EBF2: variants seen among roughly 807,000 people sequenced by gnomAD.
The protein encoded by EBF2 is transcription factor COE2.
A neutral mutation model predicts 72.8 loss-of-function variants in EBF2; 21 were observed. The ratio of observed to expected loss-of-function variants is 0.29; its 90% CI spans 0.20 to 0.42. The LOEUF is 0.42. Ranked by LOEUF, EBF2 falls within the 10% of genes least tolerant of loss-of-function variation. The pLI is 1.00. For missense variants in EBF2, 637 were observed against 731.2 expected (o/e 0.87, Z 1.49); for synonymous variants, 299 against 274.2 (o/e 1.09, Z -0.89).
In EBF2 at chr8:26,026,545, T is replaced by C. The variant is rs551140544; in HGVS notation, c.551+6540A>G. Among the ~76,000 whole-genome samples the C allele has an allele frequency of 2.2e-3, 339 of 152,326 alleles. 1 individual carries two copies. Among genetic ancestry groups the C allele is most frequent in the Non-Finnish European group, 4.1e-3 (279 of 68,022 alleles). ...TTCTGGTCCTAATCCGAGGCCCTTT[T>C]GCTGCACTGCACTATCCACTCCTCA... is the stretch of plus-strand genomic sequence containing the variant. On this transcript the variant is annotated intron_variant, in intron 6 of 15. Transcript: ENST00000520164.
intron 6 of EBF2, among the ~76,000 whole-genome samples, chr8:25,981,841 A>G (rs1804366648): frequency 6.6e-6 from 1 of 152,106 alleles, no homozygotes; most frequent in African/African-American, 2.4e-5. Flanking sequence ...GCAAAACAGT[A>G]TATGGAATAG....
intron 10 of EBF2, among the ~76,000 whole-genome samples, chr8:25,873,117 C>T (rs1051131788): frequency 6.6e-5 from 10 of 152,152 alleles, no homozygotes; most frequent in Non-Finnish European, 1.2e-4. Flanking sequence ...GCAAAGGCTA[C>T]GTTAAATTCA....
chr8:25,962,498 G>A (rs969657413), intron 6 of EBF2, among the ~76,000 whole-genome samples: 2 of 151,104 alleles, frequency 1.3e-5, no homozygotes, highest in African/African-American at 2.4e-5. Flanking sequence ...CCCCTATTAC[G>A]GGTAACACCA....
At chr8:26,037,056 G>A (rs913899551) in intron 5 of EBF2, among the ~76,000 whole-genome samples, 5 of 151,994 alleles carry the variant, frequency 3.3e-5, no homozygotes, top group African/African-American at 1.2e-4. Context: ...TCTCTGGCTT[G>A]GTTTGGTTTA....
chr8:25,849,334 G>C (rs1411994409), intron 15 of EBF2, among the ~76,000 whole-genome samples: 1 of 152,108 alleles, frequency 6.6e-6, no homozygotes, highest in Non-Finnish European at 1.5e-5. Flanking sequence ...GTACCTCCCA[G>C]AGCTCTGCTC....
chr8:25,970,135 C>T (rs1054320330), intron 6 of EBF2, among the ~76,000 whole-genome samples: 11 of 152,268 alleles, frequency 7.2e-5, no homozygotes, highest in Non-Finnish European at 1.3e-4. Flanking sequence ...GAAAGAGAAG[C>T]ATCCTTCTGA....
chr8:26,022,010 A>C (rs545503384), intron 6 of EBF2, among the ~76,000 whole-genome samples: 55 of 152,344 alleles, frequency 3.6e-4, no homozygotes, highest in African/African-American at 1.3e-3. Context: ...GATTATAGTA[A>C]AGTGAAATGC....
Position 25,895,504 on chromosome 8 carries a change from A to G in EBF2, c.634-5635T>C, listed in dbSNP as rs529839306. ...TACAGAAATAGAAACATGAATAAAA[A>G]GTCTGTATCTTCCCATGAAAAATAC... On this transcript the variant is annotated intron_variant, in intron 7 of 15. Transcript: ENST00000520164. Among the ~76,000 whole-genome samples, 6 of 152,364 alleles carry G rather than the reference A, an allele frequency of 3.9e-5. No individual in the cohort carries two copies. The East Asian group carries it at 1.2e-3, about 29-fold the overall frequency.
intron 6 of EBF2, among the ~76,000 whole-genome samples, chr8:25,997,139 G>A (rs1041126557): frequency 1.3e-5 from 2 of 152,150 alleles, no homozygotes; most frequent in African/African-American, 4.8e-5. Flanking sequence ...GTGTGGTGTG[G>A]TGTGACCCAC....
chr8:25,874,972 C>CA (rs1248466963), intron 10 of EBF2, among the ~76,000 whole-genome samples: 1 of 151,404 alleles, frequency 6.6e-6, no homozygotes, highest in Non-Finnish European at 1.5e-5. Context: ...AGGGGGGAAC[C>CA]ATGGTGCCTG....
At chr8:26,038,803 G>A (rs142394569) in intron 5 of EBF2, among the ~76,000 whole-genome samples, 1 of 152,146 alleles carries the variant, frequency 6.6e-6, no homozygotes, top group Admixed American at 6.5e-5. Flanking sequence ...GTTTGTTTTG[G>A]TACTTGGTCA....
chr8:26,006,388 G>T (rs1804882373), intron 6 of EBF2, among the ~76,000 whole-genome samples: 1 of 152,082 alleles, frequency 6.6e-6, no homozygotes, highest in Non-Finnish European at 1.5e-5. Flanking sequence ...TCTTTTCAAT[G>T]ACTGTGCAAT....
At chr8:25,952,817 T>A (rs1354359453) in intron 6 of EBF2, among the ~76,000 whole-genome samples, 3 of 152,232 alleles carry the variant, frequency 2.0e-5, no homozygotes, top group Non-Finnish European at 2.9e-5. Context: ...ACATATCAAA[T>A]AACATAGCTT....
At chr8:25,941,184 C>A (rs1396422600) in intron 6 of EBF2, among the ~76,000 whole-genome samples, 1 of 149,938 alleles carries the variant, frequency 6.7e-6, no homozygotes, top group Non-Finnish European at 1.5e-5. Context: ...CACCCCCAAG[C>A]CCCAAAGTGA....
intron 7 of EBF2, among the ~76,000 whole-genome samples, chr8:25,900,527 A>T (rs1201369250): frequency 6.6e-6 from 1 of 152,158 alleles, no homozygotes; most frequent in Non-Finnish European, 1.5e-5. Flanking sequence ...GAGGCCAAGG[A>T]TGACACGACC....
intron 6 of EBF2, among the ~76,000 whole-genome samples, chr8:25,929,995 T>C (rs945191302): frequency 3.9e-5 from 6 of 152,238 alleles, no homozygotes; most frequent in African/African-American, 1.4e-4. Context: ...AATGAGGCAG[T>C]ATCTTATGAA....
rs375575952 is a variant in EBF2, at chr8:25,844,633, G to A, written c.1704C>T (p.Thr568=). The change falls in exon 16 of 16, where the codon ACC becomes ACT. Residue 568 remains threonine (T), a synonymous_variant. Transcript: ENST00000520164. ...SGNGNGFRAM[T]GLVVPPM ...TTTACATCGGGGGTACAACAAGTCC[G>A]GTCATGGCTGCAAGGAAAGAGTGGC... The A allele has an allele frequency of 4.4e-4, 711 of 1,613,844 alleles. 1 individual carries two copies. The highest frequency in any genetic ancestry group is 5.7e-4 in the Non-Finnish European group (667 of 1,179,894).
chr8:26,011,456 A>G (rs1221923197), intron 6 of EBF2, among the ~76,000 whole-genome samples: 1 of 50,512 alleles, frequency 2.0e-5, no homozygotes, highest in Admixed American at 3.2e-4. Flanking sequence ...ATTTCTCTTC[A>G]GGTGGCTTTT....
At chr8:25,875,748 T>C (rs1217346676) in intron 10 of EBF2, among the ~76,000 whole-genome samples, 2 of 152,174 alleles carry the variant, frequency 1.3e-5, no homozygotes, top group African/African-American at 4.8e-5. Context: ...AGCCAAAAAG[T>C]CTCTGCAACA....
Sources: gnomAD v4.1 joint callset for allele counts (sites outside exome capture counted in the v4.1 genomes callset) on GRCh38, gnomAD v4.1.1 for gene constraint, MANE v1.5 for transcripts, NCBI Gene and HGNC (gene_info 2026-07-23, HGNC 2026-07-21) for gene names.